ROBO2: variants seen among roughly 807,000 people sequenced by gnomAD.
ROBO2 encodes the protein roundabout homolog 2.
In ROBO2, 53 loss-of-function variants were observed where a neutral mutation model predicts 160.8. That is an observed-to-expected ratio of 0.33 (90% CI 0.26 to 0.41). The LOEUF is 0.41. Among genes scored for constraint, ROBO2 ranks in the 10% least tolerant of loss-of-function variants. The pLI is 1.00. For missense variants in ROBO2, 1,577 were observed against 1,722.4 expected, an observed-to-expected ratio of 0.92 and a Z score of 1.49; for synonymous variants, 664 against 611.7, an observed-to-expected ratio of 1.09 and a Z score of -1.26.
At chr3:76,328,803 G>A (rs1299191937) in intron 2 of ROBO2, among the ~76,000 whole-genome samples, 1 of 151,736 alleles carries the variant, frequency 6.6e-6, no homozygotes, top group African/African-American at 2.4e-5. Flanking sequence ...ACCTTGCAGT[G>A]AGCCGAGATC....
chr3:76,147,246 CTTAAAT>C (rs910796845), intron 2 of ROBO2, among the ~76,000 whole-genome samples: 91 of 151,612 alleles, frequency 6.0e-4, no homozygotes, highest in African/African-American at 2.1e-3. Context: ...ATCTATGATA[CTTAAAT>C]TTAAGTTTTA....
intron 1 of ROBO2, among the ~76,000 whole-genome samples, chr3:77,055,843 C>T (rs775788031): frequency 3.9e-5 from 6 of 151,932 alleles, no homozygotes; most frequent in Admixed American, 6.6e-5. Context: ...TAAAATTAAC[C>T]AAAAGAATGT....
intron 2 of ROBO2, among the ~76,000 whole-genome samples, chr3:76,079,382 ATGTG>A (rs1394011269): frequency 1.3e-5 from 2 of 152,104 alleles, no homozygotes; most frequent in Non-Finnish European, 2.9e-5. Flanking sequence ...TAAACATTGT[ATGTG>A]TGTATCAAAA....
intron 2 of ROBO2, among the ~76,000 whole-genome samples, chr3:76,214,761 G>A (rs1703389730): frequency 6.6e-6 from 1 of 152,174 alleles, no homozygotes; most frequent in Non-Finnish European, 1.5e-5. Flanking sequence ...ACAAAAGACA[G>A]CAATAACATC....
intron 2 of ROBO2, among the ~76,000 whole-genome samples, chr3:76,848,014 TA>T (rs985110171): frequency 6.6e-6 from 1 of 152,116 alleles, no homozygotes; most frequent in African/African-American, 2.4e-5. Context: ...TTAATTGCAA[TA>T]AAAAATCTCA....
chr3:76,942,495 G>A (rs1214512069), intron 2 of ROBO2, among the ~76,000 whole-genome samples: 1 of 152,208 alleles, frequency 6.6e-6, no homozygotes, highest in Non-Finnish European at 1.5e-5. Context: ...CACCACTGAT[G>A]TTTGAAGAGT....
chr3:77,327,837 G>A (rs1034426194), intron 2 of ROBO2, among the ~76,000 whole-genome samples: 1 of 152,004 alleles, frequency 6.6e-6, no homozygotes, highest in Non-Finnish European at 1.5e-5. Flanking sequence ...ATCACCTGAG[G>A]TCAGGAGTTT....
intron 2 of ROBO2, among the ~76,000 whole-genome samples, chr3:76,641,289 C>T (rs954039633): frequency 6.6e-6 from 1 of 152,110 alleles, no homozygotes; most frequent in Non-Finnish European, 1.5e-5. Context: ...AGGTTAAGAT[C>T]TCCAATTAAC....
chr3:76,672,415 A>G (rs941427134), intron 2 of ROBO2, among the ~76,000 whole-genome samples: 1 of 152,164 alleles, frequency 6.6e-6, no homozygotes, highest in African/African-American at 2.4e-5. Flanking sequence ...TTCAATGAAA[A>G]CAAAGTCCTA....
chr3:76,094,864 T>C (rs1167081359), intron 2 of ROBO2, among the ~76,000 whole-genome samples: 1 of 152,224 alleles, frequency 6.6e-6, no homozygotes, highest in South Asian at 2.1e-4. Flanking sequence ...TTGTAGATGC[T>C]TTGTACTATC....
At chr3:76,377,310 A>T (rs1424391044) in intron 2 of ROBO2, among the ~76,000 whole-genome samples, 5 of 152,166 alleles carry the variant, frequency 3.3e-5, no homozygotes, top group Non-Finnish European at 5.9e-5. Context: ...TGTTAATAGG[A>T]TAGCCCCATG....
At chr3:76,832,431 CACA>C (rs1165778470) in intron 2 of ROBO2, among the ~76,000 whole-genome samples, 1 of 152,094 alleles carries the variant, frequency 6.6e-6, no homozygotes, top group African/African-American at 2.4e-5. Context: ...TGCAGAGACA[CACA>C]ACATCCAAAC....
At chr3:76,068,555 T>C (rs1239466681) in intron 2 of ROBO2, among the ~76,000 whole-genome samples, 1 of 152,184 alleles carries the variant, frequency 6.6e-6, no homozygotes, top group Non-Finnish European at 1.5e-5. Context: ...CTTTTCCCTT[T>C]CTTCTGTATC....
chr3:77,212,106 G>C (rs536610010), intron 2 of ROBO2, among the ~76,000 whole-genome samples: 4 of 152,126 alleles, frequency 2.6e-5, no homozygotes, highest in Non-Finnish European at 4.4e-5. Flanking sequence ...TTCCAATTCT[G>C]TGAAGAAAGT....
chr3:76,686,575 G>T (rs1362960350), intron 2 of ROBO2, among the ~76,000 whole-genome samples: 1 of 152,078 alleles, frequency 6.6e-6, no homozygotes, highest in Non-Finnish European at 1.5e-5. Flanking sequence ...TAAAGTCCAT[G>T]AGGAGACTTG....
intron 19 of ROBO2, among the ~76,000 whole-genome samples, 158 bp from the exon 21 acceptor site, chr3:77,602,052 G>T (rs375185213): frequency 5.9e-5 from 9 of 152,220 alleles, no homozygotes. Context: ...ATAGCTTGGC[G>T]ATGGTTGTAT....
chr3:76,099,407 A>C lies in ROBO2; in HGVS notation c.109+161805A>C, dbSNP rs983809328. Among the ~76,000 whole-genome samples, 6 of 152,260 alleles carry C rather than the reference A, an allele frequency of 3.9e-5. No homozygotes were observed. The South Asian group carries it at 1.2e-3, about 32-fold the overall frequency. On this transcript the variant is annotated intron_variant, in intron 2 of 26. Coordinates refer to the ROBO2 transcript ENST00000487694. ...GATCTGCATTTTGTGCTGAAAAAAAAAAATGTAATTACCAAATCACTGTAG... is the reference window on the plus strand; with the variant it reads ...GATCTGCATTTTGTGCTGAAAAAAACAAATGTAATTACCAAATCACTGTAG...
intron 2 of ROBO2, among the ~76,000 whole-genome samples, chr3:76,825,726 G>A (rs965300551): frequency 6.7e-6 from 1 of 150,242 alleles, no homozygotes; most frequent in African/African-American, 2.5e-5. Flanking sequence ...GTCATTATCA[G>A]TGTGAGTAGT....
rs55691222 is a variant in ROBO2, at chr3:76,141,060, C to CATAT, written c.109+203472_109+203475dup. 9.6e-3 allele frequency among the ~76,000 whole-genome samples: 512 copies of CATAT among 53,570 alleles called. 42 individuals carry two copies. Among genetic ancestry groups the CATAT allele is most frequent in the East Asian group, 0.032 (41 of 1,282 alleles). 35.1% of individuals were successfully genotyped at this position (53,570 alleles called of 152,430 possible). A position where few individuals can be genotyped will look rare whatever the true frequency, so the allele number is the denominator to read the frequency against. On this transcript the variant is annotated intron_variant, in intron 2 of 26. Transcript: ENST00000487694. ...ACACACACAGATGTCTTTTTACATA[C>CATAT]ATATATATATATATATAAAATATAT... is the stretch of plus-strand genomic sequence containing the variant.
Sources: allele counts gnomAD v4.1 joint callset (sites outside exome capture counted in the v4.1 genomes callset), GRCh38; gene constraint gnomAD v4.1.1; transcripts MANE v1.5; gene names NCBI Gene and HGNC (gene_info 2026-07-23, HGNC 2026-07-21).